KCNAB1: variants seen among roughly 807,000 people sequenced by gnomAD.
KCNAB1 encodes the protein potassium voltage-gated channel subfamily A regulatory beta subunit 1, also known as voltage-gated potassium channel subunit beta-1.
A neutral mutation model predicts 64.6 loss-of-function variants in KCNAB1; 35 were observed. The observed-to-expected ratio is 0.54, with a 90% confidence interval of 0.41 to 0.72. KCNAB1 has a LOEUF of 0.72. KCNAB1 is among the 30% of genes least tolerant of loss of function. The pLI is 0.00. For missense variants in KCNAB1, 401 were observed against 512.9 expected, an observed-to-expected ratio of 0.78 and a Z score of 2.11; for synonymous variants, 177 against 183.8, an observed-to-expected ratio of 0.96 and a Z score of 0.30.
At chr3:156,292,174 C>T (rs756664118) in intron 1 of KCNAB1, 1 of 1,595,532 alleles carries the variant, frequency 6.3e-7, no homozygotes, top group Non-Finnish European at 8.6e-7. Context: ...AGGTTCTATA[C>T]AGGTGCAGTG....
chr3:156,203,669 G>A lies in KCNAB1; in HGVS notation c.275+82783G>A, dbSNP rs7623197. Reference sequence around the variant, plus strand: ...CTTGGGAGAGTTTTTTGATACTGCCGTCAAATCATGTTTGTTTTCTGCAGT... The same window carrying A: ...CTTGGGAGAGTTTTTTGATACTGCCATCAAATCATGTTTGTTTTCTGCAGT... On this transcript the variant is annotated intron_variant, in intron 1 of 13. Coordinates refer to ENST00000490337, the MANE Select transcript of KCNAB1 (RefSeq NM_172160.3). 9.2e-3 allele frequency among the ~76,000 whole-genome samples: 1,404 copies of A among 152,232 alleles called. 33 individuals are homozygous for A. Among genetic ancestry groups the A allele is most frequent in the African/African-American group, 0.031 (1,283 of 41,544 alleles).
At chr3:156,259,635 C>T (rs954800412) in intron 1 of KCNAB1, among the ~76,000 whole-genome samples, 7 of 152,148 alleles carry the variant, frequency 4.6e-5, no homozygotes, top group Admixed American at 2.6e-4. Context: ...ACTTTTATGC[C>T]ATTGCCTAGG....
intron 4 of KCNAB1, among the ~76,000 whole-genome samples, chr3:156,458,042 G>T (rs1368991214): frequency 6.6e-6 from 1 of 152,156 alleles, no homozygotes; most frequent in East Asian, 1.9e-4. Context: ...ATTACAGAAA[G>T]ATTAGACGTC....
At chr3:156,388,981 G>A (rs1453546497) in intron 1 of KCNAB1, among the ~76,000 whole-genome samples, 1 of 152,224 alleles carries the variant, frequency 6.6e-6, no homozygotes, top group Admixed American at 6.5e-5. Flanking sequence ...GGCTGTGATG[G>A]TGCAGGTGTT....
At chr3:156,310,770 C>G (rs1459729598) in intron 1 of KCNAB1, among the ~76,000 whole-genome samples, 4 of 152,298 alleles carry the variant, frequency 2.6e-5, no homozygotes, top group South Asian at 2.1e-4. Flanking sequence ...CGCCACTGCA[C>G]TCCAGCCTGG....
chr3:156,315,327 C>T (rs935021419), intron 1 of KCNAB1, among the ~76,000 whole-genome samples: 28 of 152,250 alleles, frequency 1.8e-4, no homozygotes, highest in Admixed American at 1.6e-3. Flanking sequence ...ATAGTACACT[C>T]AGGCACTCAG....
Position 156,331,848 on chromosome 3 carries a change from G to C in KCNAB1, c.276-89768G>C, listed in dbSNP as rs77585991. 7.5e-3 allele frequency among the ~76,000 whole-genome samples: 1,148 copies of C among 152,208 alleles called. 6 individuals are homozygous for C. The highest frequency in any genetic ancestry group is 0.013 in the Non-Finnish European group (898 of 68,002). On this transcript the variant is annotated intron_variant, in intron 1 of 13. Transcript: ENST00000490337. ...CATGAACCAAGTTTAGCGGCAGGGG[G>C]TCAAATTTTCCAAACAGTCTTGTGT...
rs536738939 is a variant in KCNAB1 at position 156,127,548 on chromosome 3, C to T, written c.275+6662C>T. 3.3e-5 allele frequency among the ~76,000 whole-genome samples: 5 copies of T among 152,290 alleles called. No homozygotes were observed. In the South Asian group the frequency reaches 1.0e-3, roughly 32 times the overall value. ...AATGTTGGACCACTGAATGATTGGG[C>T]TAGGAGTGGGAGAGTGAACCTCAAC... is the stretch of plus-strand genomic sequence containing the variant. On this transcript the variant is annotated intron_variant, in intron 1 of 13. Coordinates refer to ENST00000490337, the MANE Select transcript of KCNAB1 (RefSeq NM_172160.3).
intron 7 of KCNAB1, among the ~76,000 whole-genome samples, chr3:156,467,185 G>A (rs1431808805): frequency 6.6e-6 from 1 of 151,922 alleles, no homozygotes; most frequent in East Asian, 1.9e-4. Context: ...ATAATTTATT[G>A]AATACTGTTC....
At chr3:156,407,464 A>T (rs1451030611) in intron 1 of KCNAB1, among the ~76,000 whole-genome samples, 1 of 152,206 alleles carries the variant, frequency 6.6e-6, no homozygotes, top group East Asian at 1.9e-4. Context: ...CCCCACTAGG[A>T]TGTAAGCCTC....
chr3:156,476,637 A>C (rs1001804945), intron 8 of KCNAB1, among the ~76,000 whole-genome samples: 3 of 151,858 alleles, frequency 2.0e-5, no homozygotes, highest in Non-Finnish European at 4.4e-5. Context: ...TCGTTGATTG[A>C]TGGGCATTTG....
At chr3:156,323,144 A>T (rs1235902277) in intron 1 of KCNAB1, among the ~76,000 whole-genome samples, 5 of 152,016 alleles carry the variant, frequency 3.3e-5, no homozygotes, top group African/African-American at 1.2e-4. Context: ...ATTCTTCTTA[A>T]TTTTTTTAAG....
At chr3:156,434,437 G>A (rs1199914031) in intron 2 of KCNAB1, among the ~76,000 whole-genome samples, 1 of 152,166 alleles carries the variant, frequency 6.6e-6, no homozygotes, top group Non-Finnish European at 1.5e-5. Flanking sequence ...GTATATCAGG[G>A]CAGTAAGGTA....
chr3:156,438,574 C>A (rs1464862618), intron 2 of KCNAB1, among the ~76,000 whole-genome samples: 1 of 152,152 alleles, frequency 6.6e-6, no homozygotes. Context: ...TCTTGTGGAA[C>A]TTCTGCTACT....
chr3:156,205,384 C>T (rs1714591938), intron 1 of KCNAB1, among the ~76,000 whole-genome samples: 1 of 151,864 alleles, frequency 6.6e-6, no homozygotes, highest in Non-Finnish European at 1.5e-5. Context: ...TTCACTATTC[C>T]ACTTTGCTTT....
chr3:156,354,029 ATG>A (rs1263136415), intron 1 of KCNAB1, among the ~76,000 whole-genome samples: 2 of 139,626 alleles, frequency 1.4e-5, no homozygotes, highest in Non-Finnish European at 3.0e-5. Context: ...TATTGTCATA[ATG>A]TGTGTGTGTA....
At chr3:156,437,560 C>G (rs1486791311) in intron 2 of KCNAB1, among the ~76,000 whole-genome samples, 1 of 152,190 alleles carries the variant, frequency 6.6e-6, no homozygotes, top group East Asian at 1.9e-4. Context: ...GCACCTTACT[C>G]TAGCAGGACT....
At chr3:156,415,171 C>T (rs946180054) in intron 1 of KCNAB1, among the ~76,000 whole-genome samples, 1 of 152,152 alleles carries the variant, frequency 6.6e-6, no homozygotes, top group Non-Finnish European at 1.5e-5. Flanking sequence ...TTGAAAGTCA[C>T]AGAGGCAGCC....
At chr3:156,287,014 G>C (rs1198718880) in intron 1 of KCNAB1, among the ~76,000 whole-genome samples, 1 of 152,186 alleles carries the variant, frequency 6.6e-6, no homozygotes, top group Non-Finnish European at 1.5e-5. Flanking sequence ...AGGATACTGA[G>C]GCTTAGGGAG....
Sources: allele counts gnomAD v4.1 joint callset (sites outside exome capture counted in the v4.1 genomes callset), GRCh38; gene constraint gnomAD v4.1.1; transcripts MANE v1.5; gene names NCBI Gene and HGNC (gene_info 2026-07-23, HGNC 2026-07-21).